The following DIS3L2 variants were observed in gnomAD, a reference collection of about 807,000 sequenced individuals.
DIS3L2 encodes the protein DIS3-like exonuclease 2.
DIS3L2 carries 34 observed loss-of-function variants against 97.5 expected under a neutral mutation model. The observed-to-expected ratio is 0.35, with a 90% CI of 0.27 to 0.46. The LOEUF (loss-of-function observed/expected upper bound fraction) is 0.46, where lower values mean the gene tolerates loss of function less well. Ranked by LOEUF, DIS3L2 falls within the 20% of genes least tolerant of loss-of-function variation. The pLI is 1.00. For missense variants in DIS3L2, 1,038 were observed against 1,146.0 expected (o/e 0.91, Z 1.36); for synonymous variants, 435 against 445.2 (o/e 0.98, Z 0.29).
At chr2:232,333,760 A>ACT in intron 16 of DIS3L2, 80 bp from the exon 17 acceptor site, 22 of 1,417,416 alleles carry the variant, frequency 1.6e-5, no homozygotes, top group Admixed American at 7.6e-5. Context: ...GCCGACGGTG[A>ACT]GGCTGTGGGT....
chr2:232,091,674 A>G (rs1696840786), intron 6 of DIS3L2, among the ~76,000 whole-genome samples: 1 of 152,074 alleles, frequency 6.6e-6, no homozygotes, highest in Admixed American at 6.6e-5. Context: ...TGTACATAGG[A>G]GTGGGATTGC....
At chr2:232,001,109 T>C (rs868009537) in intron 1 of DIS3L2, among the ~76,000 whole-genome samples, 1 of 152,294 alleles carries the variant, frequency 6.6e-6, no homozygotes, top group South Asian at 2.1e-4. Flanking sequence ...GTTCTGTTTT[T>C]AATTTTTTGA....
intron 11 of DIS3L2, among the ~76,000 whole-genome samples, chr2:232,248,615 T>C (rs1257583061): frequency 1.3e-5 from 2 of 152,156 alleles, no homozygotes; most frequent in African/African-American, 4.8e-5. Flanking sequence ...AACAGAAAGA[T>C]CAATAAGGAG....
At chr2:232,004,705 C>T (rs1214443129) in intron 1 of DIS3L2, among the ~76,000 whole-genome samples, 1 of 151,906 alleles carries the variant, frequency 6.6e-6, no homozygotes, top group African/African-American at 2.4e-5. Context: ...CCTCAGCCTC[C>T]CAAGTAGCTG....
intron 1 of DIS3L2, among the ~76,000 whole-genome samples, chr2:231,996,194 G>A (rs1477769109): frequency 6.6e-6 from 1 of 152,212 alleles, no homozygotes; most frequent in Non-Finnish European, 1.5e-5. Context: ...GATGGTCTTT[G>A]GTCCAGGCAA....
intron 5 of DIS3L2, among the ~76,000 whole-genome samples, chr2:232,086,617 A>ATATATATATATACACATATATATATATG (rs1559613293): frequency 4.2e-5 from 5 of 118,840 alleles, no homozygotes; most frequent in Non-Finnish European, 8.2e-5. Context: ...GTGTGTGTAT[A>ATATATATATATACACATATATATATATG]TATATATATA....
At chr2:232,143,914 A>G (rs1440383039) in intron 8 of DIS3L2, among the ~76,000 whole-genome samples, 1 of 152,122 alleles carries the variant, frequency 6.6e-6, no homozygotes, top group African/African-American at 2.4e-5. Flanking sequence ...ACCCATATTT[A>G]TAACCCTAAA....
intron 1 of DIS3L2, among the ~76,000 whole-genome samples, chr2:231,980,474 A>C (rs1349294698): frequency 6.6e-6 from 1 of 152,082 alleles, no homozygotes; most frequent in Non-Finnish European, 1.5e-5. Flanking sequence ...TGAGGCGGGC[A>C]GATAATGAGG....
At chr2:232,305,406 A>G (rs928285678) in intron 14 of DIS3L2, among the ~76,000 whole-genome samples, 1 of 152,118 alleles carries the variant, frequency 6.6e-6, no homozygotes, top group Non-Finnish European at 1.5e-5. Flanking sequence ...TTTAATTTTC[A>G]GAAGTTCTGT....
chr2:232,220,430 G>T (rs72994253), intron 10 of DIS3L2, among the ~76,000 whole-genome samples: 2,315 of 152,140 alleles, frequency 0.015, 20 homozygotes, highest in Non-Finnish European at 0.022. Flanking sequence ...ATTTGAGGGC[G>T]GGGTGCGATG....
At chr2:232,133,145 A>G (rs1439513738) in intron 7 of DIS3L2, among the ~76,000 whole-genome samples, 1 of 152,140 alleles carries the variant, frequency 6.6e-6, no homozygotes, top group Non-Finnish European at 1.5e-5. Flanking sequence ...AATAAAGGTG[A>G]TCCTGCCACA....
chr2:232,292,311 C>A lies in DIS3L2; in HGVS notation c.1660-7729C>A, dbSNP rs1453941945. Among the ~76,000 whole-genome samples the A allele has an allele frequency of 1.3e-5, 2 of 152,200 alleles. No homozygotes were observed. The highest frequency in any genetic ancestry group is 2.9e-5 in the Non-Finnish European group (2 of 68,020). ...AGTGCCATCCCCAAGCAGCAATAAT[C>A]TGAGCAGCCTGAGGAAGCTGTACAT... On this transcript the variant is annotated intron_variant, in intron 13 of 20. Transcript: ENST00000325385. This position sits in a 1 kb window ranked among gnomAD's most constrained non-coding sequence, Gnocchi z 4.4.
At chr2:232,053,504 G>C (rs1375011004) in intron 5 of DIS3L2, among the ~76,000 whole-genome samples, 1 of 152,146 alleles carries the variant, frequency 6.6e-6, no homozygotes, top group East Asian at 1.9e-4. Flanking sequence ...AGACCCCACA[G>C]GTTAAGGGCT....
chr2:232,313,166 G>T (rs1388743564), intron 14 of DIS3L2, among the ~76,000 whole-genome samples: 2 of 152,064 alleles, frequency 1.3e-5, no homozygotes. Context: ...TCTTGTTCCT[G>T]ATCTCAAACA....
intron 14 of DIS3L2, among the ~76,000 whole-genome samples, chr2:232,304,026 C>T (rs1204411834): frequency 1.3e-5 from 2 of 152,118 alleles, no homozygotes; most frequent in Non-Finnish European, 2.9e-5. Context: ...TCCTATGGTG[C>T]CTTGGGTTCA....
At chr2:232,274,839 G>A (rs1056255832) in intron 13 of DIS3L2, among the ~76,000 whole-genome samples, 1 of 152,122 alleles carries the variant, frequency 6.6e-6, no homozygotes, top group Admixed American at 6.5e-5. Context: ...AAACAAAGAC[G>A]ACATAATTTC....
intron 9 of DIS3L2, among the ~76,000 whole-genome samples, chr2:232,168,467 A>C (rs776510481): frequency 6.6e-6 from 1 of 151,104 alleles, no homozygotes; most frequent in Admixed American, 6.6e-5. Context: ...TATTATCTTC[A>C]ATATATGGAC....
chr2:232,130,645 A>G lies in DIS3L2; in HGVS notation c.628A>G (p.Thr210Ala), dbSNP rs1221742973. 3.7e-6 allele frequency: 6 copies of G among 1,613,024 alleles called. No individual in the cohort carries two copies. The highest frequency in any genetic ancestry group is 5.1e-6 in the Non-Finnish European group (6 of 1,179,510). ...AAGAGAGGATGGTGATGCACCGGTT[A>G]CAAAAGATGAGACCACCTGCATTTC... is the stretch of plus-strand genomic sequence containing the variant. The part of the protein sequence containing the change: ...KGREDGDAPV[T>A]KDETTCISQD... Residue 210 changes from threonine to alanine, a missense_variant, in exon 7 of 21, where the codon ACA (threonine) becomes GCA (alanine). Thr to Ala is a moderately conservative substitution (Grantham distance 58, BLOSUM62 0). Transcript: ENST00000325385.
chr2:231,965,342 C>CTTTA (rs1307671325), intron 1 of DIS3L2, among the ~76,000 whole-genome samples: 1 of 152,094 alleles, frequency 6.6e-6, no homozygotes, highest in Non-Finnish European at 1.5e-5. Context: ...AGTAGGTATG[C>CTTTA]TTTACATAAG....
Sources: gnomAD v4.1 joint callset for allele counts (sites outside exome capture counted in the v4.1 genomes callset) on GRCh38, gnomAD v4.1.1 for gene constraint, Gnocchi (gnomAD v3.1) non-coding constraint, MANE v1.5 for transcripts, NCBI Gene and HGNC (gene_info 2026-07-23, HGNC 2026-07-21) for gene names.